Variants in PAX9 observed in about 807,000 individuals in gnomAD.
PAX9 encodes paired box 9, also known as paired box protein Pax-9.
In PAX9, 6 loss-of-function variants were observed where a neutral mutation model predicts 29.1. The observed-to-expected ratio is 0.21, with a 90% confidence interval of 0.11 to 0.41. The LOEUF is 0.41. Ranked by LOEUF, PAX9 falls within the 10% of genes least tolerant of loss-of-function variation. PAX9 has a pLI of 1.00. For missense variants in PAX9, 443 were observed against 479.1 expected (o/e 0.92, Z 0.70); for synonymous variants, 217 against 211.7 (o/e 1.03, Z -0.22).
At chr14:36,662,584 T>A in intron 1 of PAX9, 1 of 485,370 alleles carries the variant, frequency 2.1e-6, no homozygotes, top group Non-Finnish European at 3.7e-6. Flanking sequence ...AGGAGCACGT[T>A]CAGGCGTCAA....
intron 1 of PAX9, chr14:36,662,461 C>A: frequency 2.5e-6 from 1 of 401,166 alleles, no homozygotes; most frequent in Non-Finnish European, 4.4e-6. Context: ...ATAAAACACC[C>A]TCTAGCTTCC....
chr14:36,673,722 GA>G (rs1881780437), intron 3 of PAX9, among the ~76,000 whole-genome samples: 1 of 152,128 alleles, frequency 6.6e-6, no homozygotes, highest in African/African-American at 2.4e-5. Context: ...GAATGGGTAG[GA>G]AAAATTTAGC....
intron 3 of PAX9, chr14:36,671,037 G>A (rs986326750): frequency 9.2e-6 from 4 of 433,576 alleles, no homozygotes; most frequent in Non-Finnish European, 1.4e-5. Context: ...AGAAAATCTT[G>A]TTTATTTTCA....
chr14:36,668,578 A>G (rs970247219), intron 3 of PAX9, among the ~76,000 whole-genome samples: 9 of 152,024 alleles, frequency 5.9e-5, no homozygotes, highest in Admixed American at 1.3e-4. Context: ...TAGTAGAGAG[A>G]GGGTTTCACC....
At chr14:36,676,007 ATGTT>A (rs1159564712) in intron 3 of PAX9, among the ~76,000 whole-genome samples, 187 bp from the exon 4 acceptor site, 1 of 152,174 alleles carries the variant, frequency 6.6e-6, no homozygotes, top group Non-Finnish European at 1.5e-5. Context: ...TCTTGTCATT[ATGTT>A]TGTTTAAGTG....
upstream of PAX9, among the ~76,000 whole-genome samples, chr14:36,660,411 G>A (rs1459306647): frequency 6.6e-6 from 1 of 152,172 alleles, no homozygotes; most frequent in African/African-American, 2.4e-5. Context: ...TCTAAAGAGT[G>A]GTGTTTTAGT....
At chr14:36,659,545 T>G (rs984894442), upstream of PAX9, among the ~76,000 whole-genome samples, 5 of 152,310 alleles carry the variant, frequency 3.3e-5, no homozygotes, top group South Asian at 1.0e-3. Flanking sequence ...TGACTCTTCC[T>G]GCGCTCTTGA....
upstream of PAX9, chr14:36,658,694 G>T (rs1881136011): frequency 6.6e-6 from 1 of 152,252 alleles, no homozygotes; most frequent in Admixed American, 6.5e-5. Flanking sequence ...TTGCTTCTCC[G>T]CGTCTCTCCG....
intron 2 of PAX9, among the ~76,000 whole-genome samples, chr14:36,665,193 G>A: frequency 6.9e-6 from 1 of 144,302 alleles, no homozygotes; most frequent in South Asian, 2.2e-4. Flanking sequence ...AAAAAAGGCT[G>A]ACAGAGTTTA....
chr14:36,663,940 G>T (rs886449273), intron 2 of PAX9, among the ~76,000 whole-genome samples: 1 of 152,258 alleles, frequency 6.6e-6, no homozygotes, highest in Non-Finnish European at 1.5e-5. Flanking sequence ...GGGCAGAGCA[G>T]CTTGCTTGGG....
chr14:36,662,958 C>T lies in PAX9; in HGVS notation c.66C>T (p.Pro22=). 3.7e-6 allele frequency: 6 copies of T among 1,613,376 alleles called. No individual in the cohort carries two copies. The highest frequency in any genetic ancestry group is 5.1e-6 in the Non-Finnish European group (6 of 1,179,904). The change falls in exon 2 of 4, where the codon CCC becomes CCT. Residue 22 remains proline (P), a synonymous_variant. Coordinates refer to ENST00000361487, the MANE Select transcript of PAX9 (RefSeq NM_001372076.1). The part of the protein sequence containing the change: ...GGVFVNGRPL[P]NAIRLRIVEL... ...TGTTCGTGAACGGGAGGCCGCTGCC[C>T]AACGCCATCCGGCTTCGCATCGTGG...
rs759296234 is a variant in PAX9 at position 36,679,118 on chromosome 14, A to G, written c.*2666A>G. On this transcript the variant is annotated 3_prime_UTR_variant, in exon 4 of 4. Transcript: ENST00000361487. ...TCTATGCAGGCAGCGCTCTCATTGG[A>G]TGTAAGAATATTACCTGCAAGGATA... 5.1e-6 allele frequency: 5 copies of G among 985,408 alleles called. No homozygotes were observed. Among genetic ancestry groups the G allele is most frequent in the Non-Finnish European group, 6.0e-6 (5 of 829,928 alleles). 61.0% of individuals were successfully genotyped at this position (985,408 alleles called of 1,614,324 possible). A position where few individuals can be genotyped will look rare whatever the true frequency, so the allele number is the denominator to read the frequency against.
At chr14:36,661,540 C>T (rs2073247), upstream of PAX9, among the ~76,000 whole-genome samples, 50,519 of 152,168 alleles carry the variant, frequency 0.33, 8,731 homozygotes, top group East Asian at 0.45. Context: ...TCCATCGTTC[C>T]CCGGAGGAGG....
Position 36,676,326 on chromosome 14 carries a change from T to C in PAX9, c.900T>C (p.His300=). ...CTCCTTCTGGTTATGTTGCTGGACA[T>C]GGGTGGCAACATGCTGGGGGCACCT... The part of the protein sequence containing the change: ...SAAPSGYVAG[H]GWQHAGGTSL... Residue 300 remains histidine (H), a synonymous_variant, in exon 4 of 4, where the codon CAT becomes CAC. Coordinates refer to ENST00000361487, the MANE Select transcript of PAX9 (RefSeq NM_001372076.1). 6.2e-7 allele frequency: 1 copy of C among 1,614,190 alleles called. No homozygotes were observed. Among genetic ancestry groups the C allele is most frequent in the Non-Finnish European group, 8.5e-7 (1 of 1,180,030 alleles).
chr14:36,665,523 T>C (rs1594468961), intron 2 of PAX9, among the ~76,000 whole-genome samples: 1 of 152,206 alleles, frequency 6.6e-6, no homozygotes, highest in Non-Finnish European at 1.5e-5. Context: ...TTTGAAACTA[T>C]ACCTGGTCAC....
chr14:36,658,802 G>A (rs1157491437), upstream of PAX9: 1 of 152,272 alleles, frequency 6.6e-6, no homozygotes, highest in Non-Finnish European at 1.5e-5. Context: ...ATCTGGCTGG[G>A]GTCCGCGAGG....
upstream of PAX9, among the ~76,000 whole-genome samples, chr14:36,660,258 C>G (rs1881207169): frequency 6.6e-6 from 1 of 152,186 alleles, no homozygotes; most frequent in African/African-American, 2.4e-5. Context: ...CACACGATGT[C>G]ACCCAACAGG....
Position 36,666,646 on chromosome 14 carries a change from G to A in PAX9, c.771+45G>A, listed in dbSNP as rs967929098. 2.6e-6 allele frequency: 4 copies of A among 1,550,638 alleles called. No individual in the cohort carries two copies. In the African/African-American group the frequency reaches 5.5e-5, roughly 21 times the overall value. ...GCCAGGTGGGCCGCGTGGCGGCGGG[G>A]ATTTAGGCGATGGAACACTTTGTGA... On this transcript the variant is annotated intron_variant, in intron 3 of 3. Coordinates refer to ENST00000361487, the MANE Select transcript of PAX9 (RefSeq NM_001372076.1).
chr14:36,666,378 C>G, intron 2 of PAX9, 84 bp from the exon 3 acceptor site: 14 of 1,531,130 alleles, frequency 9.1e-6, no homozygotes, highest in Non-Finnish European at 1.2e-5. Flanking sequence ...CCCTCCAGCT[C>G]TCCGTCGCGG....
Sources: gnomAD v4.1 joint callset for allele counts (sites outside exome capture counted in the v4.1 genomes callset) on GRCh38, gnomAD v4.1.1 for gene constraint, MANE v1.5 for transcripts, NCBI Gene and HGNC (gene_info 2026-07-23, HGNC 2026-07-21) for gene names.